Variants in FAM83D observed in about 807,000 individuals in gnomAD.
FAM83D encodes the protein protein FAM83D.
A neutral mutation model predicts 25.4 loss-of-function variants in FAM83D; 26 were observed. The ratio of observed to expected loss-of-function variants is 1.02; its 90% CI spans 0.75 to 1.42. FAM83D has a LOEUF of 1.42. Ranked by LOEUF, FAM83D falls within the 40% of genes most tolerant of loss-of-function variation. The pLI is 0.00. For missense variants in FAM83D, 740 were observed against 758.1 expected (o/e 0.98, Z 0.28); for synonymous variants, 310 against 318.5 (o/e 0.97, Z 0.28).
intron 1 of FAM83D, among the ~76,000 whole-genome samples, chr20:38,934,493 C>CAAA (rs34435879): frequency 1.7e-4 from 13 of 77,986 alleles, no homozygotes; most frequent in African/African-American, 2.1e-4. Flanking sequence ...AACTCCGTCT[C>CAAA]AAAAAAAAAA....
Position 38,926,843 on chromosome 20 carries a change from A to G in FAM83D, c.401A>G (p.His134Arg), listed in dbSNP as rs61753646. Residue 134 changes from histidine to arginine, a missense_variant, in exon 1 of 4, where the codon CAC (histidine) becomes CGC (arginine). This residue lies in a region of FAM83D where 333 missense variants were observed against 298.6 expected (regional missense o/e 1.12). Transcript: ENST00000619850. Reference sequence around the variant, plus strand: ...CGCGGCGCCACGCGTGTCGAGACGCACTTCCAGCCCCGCGGCGCTGGCGAA... The same window carrying G: ...CGCGGCGCCACGCGTGTCGAGACGCGCTTCCAGCCCCGCGGCGCTGGCGAA... ...AYRGATRVET[H>R]FQPRGAGEGG... 1.9e-5 allele frequency: 29 copies of G among 1,531,132 alleles called. No individual in the cohort carries two copies. Among genetic ancestry groups the G allele is most frequent in the Non-Finnish European group, 2.5e-5 (29 of 1,144,268 alleles). 94.8% of individuals were successfully genotyped at this position (1,531,132 alleles called of 1,614,324 possible). A position where few individuals can be genotyped will look rare whatever the true frequency, so the allele number is the denominator to read the frequency against.
chr20:38,942,379 C>G (rs1354651035), intron 2 of FAM83D, among the ~76,000 whole-genome samples: 1 of 152,168 alleles, frequency 6.6e-6, no homozygotes, highest in Non-Finnish European at 1.5e-5. Flanking sequence ...AAGCATTATT[C>G]ATAAAGCCAA....
intron 3 of FAM83D, among the ~76,000 whole-genome samples, chr20:38,948,385 G>A (rs1328331400): frequency 2.6e-5 from 4 of 152,208 alleles, no homozygotes; most frequent in Admixed American, 2.6e-4. Flanking sequence ...GGTAGGGGCA[G>A]TTGCAGGCAT....
In FAM83D at chr20:38,949,147, A is replaced by G. The variant is rs940977932; in HGVS notation, c.776+1147A>G. Among the ~76,000 whole-genome samples, 18 of 149,384 alleles carry G rather than the reference A, an allele frequency of 1.2e-4. No individual in the cohort carries two copies. The East Asian group carries it at 3.4e-3, about 28-fold the overall frequency. On this transcript the variant is annotated intron_variant, in intron 3 of 3. Transcript: ENST00000619850. Reference sequence around the variant, plus strand: ...GTTGGATAGGTGCTTTATTTACATTATCTCATTGAAGGCTTTCTTTTTTTT... The same window carrying G: ...GTTGGATAGGTGCTTTATTTACATTGTCTCATTGAAGGCTTTCTTTTTTTT...
intron 2 of FAM83D, among the ~76,000 whole-genome samples, chr20:38,946,214 A>AC (rs1479707290): frequency 1.3e-5 from 2 of 151,586 alleles, no homozygotes; most frequent in Non-Finnish European, 2.9e-5. Flanking sequence ...AAAAAAAAAA[A>AC]AAAAAACAAT....
At chr20:38,949,360 A>G (rs1453116408) in intron 3 of FAM83D, among the ~76,000 whole-genome samples, 12 of 152,020 alleles carry the variant, frequency 7.9e-5, no homozygotes, top group Admixed American at 7.9e-4. Flanking sequence ...GTGTTTCGCC[A>G]CGTTGGCCAG....
intron 1 of FAM83D, among the ~76,000 whole-genome samples, chr20:38,934,219 C>A (rs561346466): frequency 1.3e-5 from 2 of 152,156 alleles, no homozygotes; most frequent in South Asian, 2.1e-4. Flanking sequence ...CTGCAGAATT[C>A]TTCTCTGACT....
At chr20:38,931,917 A>T (rs1226933416) in intron 1 of FAM83D, among the ~76,000 whole-genome samples, 1 of 152,232 alleles carries the variant, frequency 6.6e-6, no homozygotes, top group East Asian at 1.9e-4. Flanking sequence ...GGAGCGGTAG[A>T]TAGGAAGAAA....
intron 1 of FAM83D, among the ~76,000 whole-genome samples, chr20:38,939,036 C>T (rs1159310753): frequency 1.3e-5 from 2 of 152,234 alleles, no homozygotes; most frequent in African/African-American, 4.8e-5. Context: ...TCAGGGCCTT[C>T]TGTGATCTTG....
At chr20:38,933,595 T>C (rs1433978612) in intron 1 of FAM83D, among the ~76,000 whole-genome samples, 1 of 152,190 alleles carries the variant, frequency 6.6e-6, no homozygotes, top group African/African-American at 2.4e-5. Flanking sequence ...ATGTGTCAGG[T>C]TAAGGATTTT....
chr20:38,951,741 G>A lies in FAM83D; in HGVS notation c.979G>A (p.Gly327Ser). Residue 327 changes from glycine (G) to serine (S), a missense_variant, in exon 4 of 4, where the codon GGC (glycine) becomes AGC (serine). Coordinates refer to ENST00000619850, the MANE Select transcript of FAM83D (RefSeq NM_030919.3). The part of the protein sequence containing the change: ...RKPQSKELTL[G>S]NLLRMRLARL... ...ACCACAGTCCAAGGAGCTCACCCTG[G>A]GCAACCTGCTGCGGATGCGGCTGGC... 3 of 1,614,120 alleles carry A rather than the reference G, an allele frequency of 1.9e-6. No individual in the cohort carries two copies. The South Asian group carries it at 3.3e-5, about 18-fold the overall frequency.
chr20:38,939,809 C>T (rs1387799794), intron 1 of FAM83D, among the ~76,000 whole-genome samples: 1 of 152,306 alleles, frequency 6.6e-6, no homozygotes. Flanking sequence ...GTGCTGGCTG[C>T]ATAATAGCAC....
intron 2 of FAM83D, among the ~76,000 whole-genome samples, chr20:38,943,555 T>C (rs985877557): frequency 2.0e-5 from 3 of 152,390 alleles, no homozygotes; most frequent in African/African-American, 7.2e-5. Context: ...TAAAATTAGA[T>C]TTTATGTCTA....
chr20:38,952,807 G>T lies in FAM83D; in HGVS notation c.*287G>T. 1 of 412,590 alleles carries T rather than the reference G, an allele frequency of 2.4e-6. No individual in the cohort carries two copies. Among genetic ancestry groups the T allele is most frequent in the African/African-American group, 2.0e-5 (1 of 49,780 alleles). The allele number at this position is 412,590 out of a possible 1,614,324, so 25.6% of individuals were successfully genotyped here. On this transcript the variant is annotated 3_prime_UTR_variant, in exon 4 of 4. Transcript: ENST00000619850. ...GATGTTTTGGTCAATGACAGACCACGTATATGTTGGCAGTCTCATAAGATT... is the reference window on the plus strand; with the variant it reads ...GATGTTTTGGTCAATGACAGACCACTTATATGTTGGCAGTCTCATAAGATT...
rs753880108 is a variant in FAM83D at position 38,926,694 on chromosome 20, G to A, written c.252G>A (p.Ala84=). The change falls in exon 1 of 4, where the codon GCG becomes GCA. Residue 84 remains alanine, a synonymous_variant. Transcript: ENST00000619850. ...RPGEEGAAAA[A]AAEDSFGSSH... Reference sequence around the variant, plus strand: ...GAGAGGAGGGCGCGGCGGCGGCGGCGGCGGCCGAGGACTCGTTCGGCTCCT... The same window carrying A: ...GAGAGGAGGGCGCGGCGGCGGCGGCAGCGGCCGAGGACTCGTTCGGCTCCT... 3 of 1,520,366 alleles carry A rather than the reference G, an allele frequency of 2.0e-6. No homozygotes were observed. In the African/African-American group the frequency reaches 4.2e-5, roughly 21 times the overall value. 94.2% of individuals were successfully genotyped at this position (1,520,366 alleles called of 1,614,324 possible). A position where few individuals can be genotyped will look rare whatever the true frequency, so the allele number is the denominator to read the frequency against.
intron 2 of FAM83D, among the ~76,000 whole-genome samples, chr20:38,946,765 C>A (rs972060121): frequency 6.6e-6 from 1 of 152,142 alleles, no homozygotes; most frequent in Non-Finnish European, 1.5e-5. Context: ...CAGTTTGTTC[C>A]TTTTCATTGC....
intron 1 of FAM83D, among the ~76,000 whole-genome samples, chr20:38,931,904 A>G (rs1231015143): frequency 6.6e-6 from 1 of 152,152 alleles, no homozygotes; most frequent in Non-Finnish European, 1.5e-5. Flanking sequence ...GGGCAGGGGG[A>G]AGGGAGCGGT....
At chr20:38,929,263 G>T (rs551997587) in intron 1 of FAM83D, among the ~76,000 whole-genome samples, 1 of 152,026 alleles carries the variant, frequency 6.6e-6, no homozygotes, top group Non-Finnish European at 1.5e-5. Flanking sequence ...TGCCTGCTGT[G>T]TATCAGACAC....
chr20:38,940,878 A>C (rs185328303), intron 1 of FAM83D, among the ~76,000 whole-genome samples: 2 of 152,358 alleles, frequency 1.3e-5, no homozygotes, highest in African/African-American at 2.4e-5. Flanking sequence ...GGTAAAGTGA[A>C]TAAACGAGCA....
Sources: gnomAD v4.1 joint callset for allele counts (sites outside exome capture counted in the v4.1 genomes callset) on GRCh38, gnomAD v4.1.1 for gene constraint, gnomAD v4.1.1 regional missense constraint, MANE v1.5 for transcripts, NCBI Gene and HGNC (gene_info 2026-07-23, HGNC 2026-07-21) for gene names.